OTULIN: variants seen among roughly 807,000 people sequenced by gnomAD.
OTULIN encodes the protein ubiquitin thioesterase otulin.
Under a neutral mutation model 39.6 loss-of-function variants are expected in OTULIN, and 15 were observed. That is an observed-to-expected ratio of 0.38 (90% CI 0.25 to 0.58). The LOEUF is 0.58. Among genes scored for constraint, OTULIN ranks in the 20% least tolerant of loss-of-function variants. The pLI is 0.66. For missense variants in OTULIN, 319 were observed against 445.9 expected (o/e 0.72, Z 2.56); for synonymous variants, 156 against 170.3 (o/e 0.92, Z 0.65).
downstream of OTULIN, among the ~76,000 whole-genome samples, chr5:14,700,815 T>C (rs1403452368): frequency 6.6e-6 from 1 of 152,168 alleles, no homozygotes; most frequent in Non-Finnish European, 1.5e-5. Flanking sequence ...ATCGGAGACC[T>C]TCTCCTACCC....
At chr5:14,665,165 G>A (rs1735800377) in intron 1 of OTULIN, among the ~76,000 whole-genome samples, 188 bp downstream of exon 1, 1 of 152,180 alleles carries the variant, frequency 6.6e-6, no homozygotes, top group Non-Finnish European at 1.5e-5. Flanking sequence ...TTAACCCCAG[G>A]GCCCCTCACA....
the OTULIN span, chr5:14,713,007 T>C: frequency 6.3e-7 from 1 of 1,590,974 alleles, no homozygotes; most frequent in Non-Finnish European, 8.6e-7. This position sits in a 1 kb window ranked among gnomAD's most constrained non-coding sequence, Gnocchi z 4.4. Context: ...ATTTGTCTGT[T>C]AAGGCCAAGT....
At position 14,676,165 on chromosome 5, in the gene OTULIN, C is replaced by T. The variant is rs1736099008; in HGVS notation, c.229+2447C>T. Among the ~76,000 whole-genome samples, 3 of 152,206 alleles carry T rather than the reference C, an allele frequency of 2.0e-5. No individual in the cohort carries two copies. In the East Asian group the frequency reaches 5.8e-4, roughly 29 times the overall value. Reference sequence around the variant, plus strand: ...CTGAGGGTCTGATTCTTGTCTTTGTCACCCATGTGGTGGTTAAAGATGAAG... The same window carrying T: ...CTGAGGGTCTGATTCTTGTCTTTGTTACCCATGTGGTGGTTAAAGATGAAG... On this transcript the variant is annotated intron_variant, in intron 2 of 6. Transcript: ENST00000284274.
chr5:14,700,285 AACTC>A (rs1437454513), downstream of OTULIN, among the ~76,000 whole-genome samples: 3 of 152,190 alleles, frequency 2.0e-5, no homozygotes, highest in Non-Finnish European at 2.9e-5. Flanking sequence ...AAGTAACAAT[AACTC>A]ACTCAGAGTA....
intron 2 of OTULIN, among the ~76,000 whole-genome samples, chr5:14,675,847 A>AT (rs1406770863): frequency 2.0e-5 from 3 of 152,066 alleles, no homozygotes; most frequent in African/African-American, 4.8e-5. Flanking sequence ...TAGTGAAAAT[A>AT]TTTTTTTCCA....
downstream of OTULIN, among the ~76,000 whole-genome samples, chr5:14,700,931 T>G (rs995259992): frequency 6.6e-6 from 1 of 152,072 alleles, no homozygotes; most frequent in African/African-American, 2.4e-5. Context: ...ACTCAGAAAT[T>G]GGAATATCGC....
At chr5:14,687,789 A>C (rs549077134) in intron 5 of OTULIN, 143 bp downstream of exon 5, 1 of 1,020,508 alleles carries the variant, frequency 9.8e-7, no homozygotes, top group East Asian at 2.6e-5. Context: ...AATGAATTCA[A>C]ACTCTTCCCA....
the OTULIN span, chr5:14,713,775 C>T: frequency 5.3e-6 from 8 of 1,523,770 alleles, no homozygotes; most frequent in Non-Finnish European, 7.2e-6. The surrounding 1 kb of genome is among the most constrained non-coding windows in gnomAD (Gnocchi z 4.4). Context: ...GCCTAGGACC[C>T]TGGCCTTGCT....
In OTULIN at chr5:14,696,581, A is replaced by C. The variant is rs1736675181; in HGVS notation, c.*3533A>C. 6.6e-6 allele frequency: 1 copy of C among 152,242 alleles called. No individual in the cohort carries two copies. 9.4% of individuals were successfully genotyped at this position (152,242 alleles called of 1,614,324 possible). On this transcript the variant is annotated 3_prime_UTR_variant, in exon 7 of 7. Transcript: ENST00000284274. ...TTTAAAAATGGTCCAAGGAACTGTA[A>C]GAAGGAGGAACTAATTCTAGAATAA...
the OTULIN span, among the ~76,000 whole-genome samples, chr5:14,716,351 G>A: frequency 2.6e-5 from 4 of 152,126 alleles, no homozygotes; most frequent in South Asian, 2.1e-4. Context: ...AAATTAGTTG[G>A]GTATGGTGGT....
intron 4 of OTULIN, among the ~76,000 whole-genome samples, chr5:14,683,785 C>T (rs1316772774): frequency 2.0e-5 from 3 of 152,120 alleles, no homozygotes; most frequent in Admixed American, 6.5e-5. Context: ...TATTTTTATA[C>T]TTTCTGAGAA....
rs188036700 is a variant in OTULIN, at chr5:14,691,850, C to T, written c.865-1004C>T. 8.2e-4 allele frequency among the ~76,000 whole-genome samples: 125 copies of T among 152,232 alleles called. No individual in the cohort carries two copies. In the East Asian group the frequency reaches 0.018, roughly 22 times the overall value. On this transcript the variant is annotated intron_variant, in intron 6 of 6. Transcript: ENST00000284274. ...TGAATGGAATCATATAATATGTGGT[C>T]TTTTGTTTATGGCTTATTTGATTTA...
the OTULIN span, among the ~76,000 whole-genome samples, chr5:14,712,038 A>T: frequency 2.0e-5 from 3 of 152,132 alleles, no homozygotes; most frequent in African/African-American, 7.2e-5. Flanking sequence ...CTCAGCTTAC[A>T]TGACATGCTC....
intron 1 of OTULIN, among the ~76,000 whole-genome samples, chr5:14,671,911 T>C (rs2126815023): frequency 6.6e-6 from 1 of 152,290 alleles, no homozygotes; most frequent in East Asian, 1.9e-4. Flanking sequence ...CCCTTTAAGG[T>C]GAATACTCTT....
chr5:14,706,219 A>T, the OTULIN span: 1 of 152,176 alleles, frequency 6.6e-6, no homozygotes, highest in East Asian at 1.9e-4. Context: ...GGTACTATAT[A>T]AAAAAAATTT....
the OTULIN span, chr5:14,706,778 A>G: frequency 6.6e-6 from 1 of 152,228 alleles, no homozygotes; most frequent in Non-Finnish European, 1.5e-5. Flanking sequence ...AATGACAGAA[A>G]TAGAGATTCA....
At chr5:14,708,375 C>CTT in the OTULIN span, 1 of 152,204 alleles carries the variant, frequency 6.6e-6, no homozygotes, top group Admixed American at 6.5e-5. Context: ...TTTCCCTGGT[C>CTT]TTTGACATGA....
chr5:14,705,248 T>C, the OTULIN span: 1 of 152,050 alleles, frequency 6.6e-6, no homozygotes, highest in Non-Finnish European at 1.5e-5. Context: ...CCACAGCCCA[T>C]GTAGAGGAAT....
chr5:14,715,094 C>T, the OTULIN span, among the ~76,000 whole-genome samples: 1 of 152,238 alleles, frequency 6.6e-6, no homozygotes, highest in South Asian at 2.1e-4. Flanking sequence ...AGGGCCGTTC[C>T]ATCAGCCCTG....
Sources: gnomAD v4.1 joint callset for allele counts (sites outside exome capture counted in the v4.1 genomes callset) on GRCh38, gnomAD v4.1.1 for gene constraint, Gnocchi (gnomAD v3.1) non-coding constraint, MANE v1.5 for transcripts, NCBI Gene and HGNC (gene_info 2026-07-23, HGNC 2026-07-21) for gene names.